Variants in SHANK2 observed in about 807,000 individuals in gnomAD.
SHANK2 encodes SH3 and multiple ankyrin repeat domains protein 2.
A neutral mutation model predicts 133.7 loss-of-function variants in SHANK2; 43 were observed. The ratio of observed to expected loss-of-function variants is 0.32; its 90% CI spans 0.25 to 0.41. SHANK2 has a LOEUF of 0.41. Ranked by LOEUF, SHANK2 falls within the 10% of genes least tolerant of loss-of-function variation. The probability of loss-of-function intolerance (pLI) is 1.00; values close to 1 mark genes in which losing one functional copy is unlikely to be tolerated. For synonymous variants in SHANK2, 1,017 were observed against 952.8 expected (o/e 1.07, Z -1.24); for missense variants, 1,994 against 2,235.8 (o/e 0.89, Z 2.18).
intron 6 of SHANK2, 21 bp from the exon 7 acceptor site, chr11:71,094,709 C>T (rs1398275528): frequency 1.3e-6 from 2 of 1,546,588 alleles, no homozygotes; most frequent in African/African-American, 1.4e-5. Flanking sequence ...CAAACACACA[C>T]ACTTTAGAAC....
intron 22 of SHANK2, among the ~76,000 whole-genome samples, chr11:70,491,804 G>C (rs1019841895): frequency 9.9e-5 from 15 of 152,226 alleles, no homozygotes; most frequent in Non-Finnish European, 2.1e-4. Flanking sequence ...TGACTGCCTA[G>C]GGAAGGTGAC....
intron 14 of SHANK2, among the ~76,000 whole-genome samples, chr11:70,786,879 C>T (rs1378388402): frequency 6.6e-6 from 1 of 152,134 alleles, no homozygotes; most frequent in African/African-American, 2.4e-5. Context: ...TTGCTAGTCA[C>T]ATCACTACCA....
chr11:70,879,745 C>CTCTG (rs1268952055), intron 11 of SHANK2, among the ~76,000 whole-genome samples: 1 of 152,192 alleles, frequency 6.6e-6, no homozygotes, highest in Non-Finnish European at 1.5e-5. Flanking sequence ...GATCGATGGG[C>CTCTG]TCTGACAGCA....
At chr11:70,492,734 C>T (rs1555156230) in intron 21 of SHANK2, among the ~76,000 whole-genome samples, 3 of 152,104 alleles carry the variant, frequency 2.0e-5, no homozygotes, top group Non-Finnish European at 2.9e-5. Flanking sequence ...GTGCCCAGCC[C>T]CCAAGGGCTC....
chr11:70,943,123 G>A (rs1555084689), intron 10 of SHANK2: 2 of 456,104 alleles, frequency 4.4e-6, no homozygotes, highest in Non-Finnish European at 8.8e-6. Flanking sequence ...AAAGGTGGTG[G>A]CGATGGAGCA....
intron 14 of SHANK2, among the ~76,000 whole-genome samples, chr11:70,754,090 G>A (rs546920176): frequency 2.0e-5 from 3 of 152,334 alleles, no homozygotes; most frequent in African/African-American, 7.2e-5. Flanking sequence ...GGGATTACAG[G>A]CGTGAGCCAC....
At chr11:70,652,673 T>C (rs1157535067) in intron 17 of SHANK2, among the ~76,000 whole-genome samples, 1 of 151,846 alleles carries the variant, frequency 6.6e-6, no homozygotes, top group Non-Finnish European at 1.5e-5. Context: ...TAGCTACGTA[T>C]GGTGGTGCGT....
At chr11:70,531,180 A>G in intron 17 of SHANK2, among the ~76,000 whole-genome samples, 1 of 146,092 alleles carries the variant, frequency 6.8e-6, no homozygotes, top group African/African-American at 2.5e-5. Flanking sequence ...AAAAAAAAAA[A>G]ACAAAAAGGC....
At chr11:71,251,793 C>A (rs1443284713) in intron 1 of SHANK2, among the ~76,000 whole-genome samples, 1 of 151,132 alleles carries the variant, frequency 6.6e-6, no homozygotes, top group African/African-American at 2.4e-5. Flanking sequence ...GCACCAGGCG[C>A]GCCGGCCCCG....
intron 21 of SHANK2, 103 bp from the exon 22 acceptor site, chr11:70,492,568 G>C: frequency 6.9e-7 from 1 of 1,458,042 alleles, no homozygotes; most frequent in East Asian, 2.3e-5. Flanking sequence ...ATCCAAAACT[G>C]TGCAGGGGGC....
In SHANK2 at chr11:71,113,308, G is replaced by A. The variant is rs1445915161; in HGVS notation, c.468C>T (p.Ala156=). ...CCCTGCATACCTTCGTGTGGAGCTT[G>A]GCCAACTGTTTCTCATCGAGACTGG... ...KQASLDEKQL[A]KLHTKTNLKK... Residue 156 remains alanine, a synonymous_variant, in exon 5 of 26, where the codon GCC becomes GCT. Coordinates refer to ENST00000601538, the MANE Select transcript of SHANK2 (RefSeq NM_012309.5). The A allele has an allele frequency of 4.5e-6, 7 of 1,551,558 alleles. No homozygotes were observed. The East Asian group carries it at 1.7e-4, about 38-fold the overall frequency.
At chr11:70,587,066 C>G (rs1215232762) in intron 17 of SHANK2, among the ~76,000 whole-genome samples, 1 of 152,206 alleles carries the variant, frequency 6.6e-6, no homozygotes, top group Non-Finnish European at 1.5e-5. Flanking sequence ...GGGTCACACT[C>G]TAGCCCATGG....
chr11:70,887,111 TA>T (rs1432834845), intron 11 of SHANK2, among the ~76,000 whole-genome samples: 1 of 152,172 alleles, frequency 6.6e-6, no homozygotes, highest in Non-Finnish European at 1.5e-5. Flanking sequence ...GCAACATGCT[TA>T]ATGTGTGCAC....
chr11:71,163,093 A>AACATATATATATATATATATATATAT, intron 2 of SHANK2, among the ~76,000 whole-genome samples: 1 of 84,678 alleles, frequency 1.2e-5, no homozygotes, highest in South Asian at 6.0e-4. Flanking sequence ...AAAAAAAAAA[A>AACATATATATATATATATATATATAT]ATACATATAT....
chr11:70,768,768 G>C (rs74414570), intron 14 of SHANK2, among the ~76,000 whole-genome samples: 2,882 of 152,308 alleles, frequency 0.019, 83 homozygotes, highest in African/African-American at 0.066. Context: ...GGCGGGCAGT[G>C]GTGGCTGCAG....
intron 14 of SHANK2, among the ~76,000 whole-genome samples, chr11:70,740,432 G>C (rs1471494181): frequency 6.6e-6 from 1 of 152,092 alleles, no homozygotes; most frequent in Non-Finnish European, 1.5e-5. Context: ...GATTCCCCTA[G>C]GCTGGGACCA....
chr11:70,923,865 C>T (rs1555081089), intron 10 of SHANK2, among the ~76,000 whole-genome samples: 1 of 152,188 alleles, frequency 6.6e-6, no homozygotes, highest in Non-Finnish European at 1.5e-5. Flanking sequence ...GCATCAATGT[C>T]TTAACCCTGA....
At chr11:70,539,412 G>A (rs1161898239) in intron 17 of SHANK2, among the ~76,000 whole-genome samples, 1 of 151,850 alleles carries the variant, frequency 6.6e-6, no homozygotes, top group East Asian at 2.0e-4. Flanking sequence ...ACTCCGAGTC[G>A]GGGTGCCCAA....
At chr11:71,204,622 G>A (rs1238936426) in intron 2 of SHANK2, among the ~76,000 whole-genome samples, 5 of 152,214 alleles carry the variant, frequency 3.3e-5, no homozygotes, top group Non-Finnish European at 7.3e-5. Flanking sequence ...CACTTTAGGG[G>A]AAGATAGGGT....
Sources: gnomAD v4.1 joint callset for allele counts (sites outside exome capture counted in the v4.1 genomes callset) on GRCh38, gnomAD v4.1.1 for gene constraint, MANE v1.5 for transcripts, NCBI Gene and HGNC (gene_info 2026-07-23, HGNC 2026-07-21) for gene names.